Variants in NUCB2 observed in about 807,000 individuals in gnomAD.
NUCB2 encodes nucleobindin 2.
In NUCB2, 48 loss-of-function variants were observed where a neutral mutation model predicts 57.9. The ratio of observed to expected loss-of-function variants is 0.83; its 90% CI spans 0.66 to 1.05. The LOEUF (loss-of-function observed/expected upper bound fraction) is 1.05. Among genes scored for constraint, NUCB2 ranks in the 50% least tolerant of loss-of-function variants. NUCB2 has a pLI of 0.00. For missense variants in NUCB2, 442 were observed against 476.2 expected, an observed-to-expected ratio of 0.93 and a Z score of 0.67; for synonymous variants, 139 against 152.1, an observed-to-expected ratio of 0.91 and a Z score of 0.64.
At chr11:17,321,398 C>A (rs979121275) in intron 11 of NUCB2, among the ~76,000 whole-genome samples, 22 of 152,096 alleles carry the variant, frequency 1.4e-4, no homozygotes, top group Middle Eastern at 3.2e-3. Flanking sequence ...TAATGACCTC[C>A]AGTTCCACCC....
At chr11:17,310,717 C>A in intron 6 of NUCB2, 108 bp from the exon 7 acceptor site, 2 of 741,200 alleles carry the variant, frequency 2.7e-6, no homozygotes, top group Non-Finnish European at 4.3e-6. Flanking sequence ...TATGTTTTTG[C>A]CCTCCCGTAC....
intron 2 of NUCB2, among the ~76,000 whole-genome samples, chr11:17,343,157 A>G (rs1235958037): frequency 1.3e-5 from 2 of 150,586 alleles, no homozygotes; most frequent in Admixed American, 6.6e-5. Flanking sequence ...TTTGTTTTCC[A>G]TTTGCTTGGT....
At chr11:17,309,763 C>G (rs1012811395) in intron 6 of NUCB2, 88 bp downstream of exon 6, 2 of 780,966 alleles carry the variant, frequency 2.6e-6, no homozygotes, top group Non-Finnish European at 4.1e-6. Context: ...GGAAATATAA[C>G]TTTTATATAT....
chr11:17,288,552 C>CTTCTTTTTTTTTTTTTT (rs1375589442), intron 2 of NUCB2, among the ~76,000 whole-genome samples: 11 of 101,186 alleles, frequency 1.1e-4, no homozygotes, highest in African/African-American at 4.4e-4. Context: ...TCTTCTTCTT[C>CTTCTTTTTTTTTTTTTT]TTTTTTTTTT....
intron 2 of NUCB2, among the ~76,000 whole-genome samples, chr11:17,285,766 A>G (rs1348066291): frequency 1.3e-5 from 2 of 148,872 alleles, no homozygotes; most frequent in Non-Finnish European, 3.0e-5. Context: ...AAAAAAAAAA[A>G]GATATATAAA....
intron 10 of NUCB2, among the ~76,000 whole-genome samples, chr11:17,313,041 C>G (rs1174821070): frequency 6.6e-6 from 1 of 150,986 alleles, no homozygotes; most frequent in Non-Finnish European, 1.5e-5. Flanking sequence ...GACAGCATGT[C>G]TTTGCTACGT....
rs547030301 is a variant in NUCB2 at position 17,327,083 on chromosome 11, CAG to C, written c.1003-3041_1003-3040del. Among the ~76,000 whole-genome samples the C allele has an allele frequency of 2.4e-3, 370 of 152,262 alleles. 1 individual carries two copies. Among genetic ancestry groups the C allele is most frequent in the Non-Finnish European group, 4.2e-3 (289 of 68,018 alleles). ...CCACTGAAAAATCTGCCACCTGAGACAGAGTCTTGCTCTGTTACCCAGACTGG... is the reference window on the plus strand; with the variant it reads ...CCACTGAAAAATCTGCCACCTGAGACAGTCTTGCTCTGTTACCCAGACTGG... On this transcript the variant is annotated intron_variant, in intron 11 of 13. Transcript: ENST00000529010.
intron 7 of NUCB2, 45 bp from the exon 8 acceptor site, chr11:17,311,148 T>G: frequency 6.7e-7 from 1 of 1,496,300 alleles, no homozygotes; most frequent in Non-Finnish European, 9.1e-7. Flanking sequence ...TCTGTACAGA[T>G]AGATTATATT....
At chr11:17,328,160 G>C (rs1160496341) in intron 11 of NUCB2, among the ~76,000 whole-genome samples, 1 of 152,228 alleles carries the variant, frequency 6.6e-6, no homozygotes, top group African/African-American at 2.4e-5. Context: ...TACCACCTTG[G>C]TGGTCTTGGA....
intron 6 of NUCB2, 109 bp downstream of exon 6, chr11:17,309,784 T>G (rs906827589): frequency 4.6e-6 from 3 of 650,738 alleles, no homozygotes; most frequent in Non-Finnish European, 7.6e-6. Context: ...TCTGTAGAAG[T>G]TCTTTAAAGG....
At chr11:17,323,438 T>C (rs1950275124) in intron 11 of NUCB2, among the ~76,000 whole-genome samples, 2 of 152,214 alleles carry the variant, frequency 1.3e-5, no homozygotes, top group South Asian at 4.1e-4. Context: ...CCGTGATGTA[T>C]GATCTTTTTA....
chr11:17,315,354 T>C (rs1591472867), intron 10 of NUCB2, 32 bp from the exon 11 acceptor site: 5 of 1,221,462 alleles, frequency 4.1e-6, no homozygotes, highest in Non-Finnish European at 5.9e-6. Context: ...AAAGATTTAC[T>C]TTATATTATG....
chr11:17,349,730 TAGC>T (rs1953054373), exon 3 of NUCB2: 1 of 152,202 alleles, frequency 6.6e-6, no homozygotes, highest in Non-Finnish European at 1.5e-5. Context: ...GGTTGACAAA[TAGC>T]AGTCTCTGCC....
chr11:17,312,340 C>T (rs1489532029), intron 10 of NUCB2, among the ~76,000 whole-genome samples: 1 of 151,136 alleles, frequency 6.6e-6, no homozygotes, highest in African/African-American at 2.4e-5. Context: ...CTCAAGCAAT[C>T]CTTTGGTCTC....
At chr11:17,339,036 G>A (rs1952030684) in intron 2 of NUCB2, among the ~76,000 whole-genome samples, 1 of 151,608 alleles carries the variant, frequency 6.6e-6, no homozygotes, top group African/African-American at 2.4e-5. Flanking sequence ...TGCCCAGGCT[G>A]GAGTGCAGTG....
rs1036230785 is a variant in NUCB2 at position 17,294,701 on chromosome 11, A to G, written c.1-623A>G. ...CTTAAAAAAAAAAAAAAAAAAAAAA[A>G]GCCATGGCTAGATTGAAGCTTTTGT... On this transcript the variant is annotated intron_variant, in intron 2 of 13. Coordinates refer to ENST00000529010, the MANE Select transcript of NUCB2 (RefSeq NM_005013.4). Among the ~76,000 whole-genome samples the G allele has an allele frequency of 4.7e-3, 671 of 142,976 alleles. 9 individuals are homozygous for G. The highest frequency in any genetic ancestry group is 0.016 in the African/African-American group (641 of 40,212). 93.8% of individuals were successfully genotyped at this position (142,976 alleles called of 152,430 possible). A position where few individuals can be genotyped will look rare whatever the true frequency, so the allele number is the denominator to read the frequency against.
intron 11 of NUCB2, among the ~76,000 whole-genome samples, chr11:17,317,220 C>G (rs1949366793): frequency 6.6e-6 from 1 of 151,990 alleles, no homozygotes; most frequent in Non-Finnish European, 1.5e-5. Context: ...CTCTCTTTCC[C>G]TCCTCTCTAT....
intron 10 of NUCB2, among the ~76,000 whole-genome samples, chr11:17,315,022 T>A (rs532685693): frequency 6.6e-6 from 1 of 152,334 alleles, no homozygotes; most frequent in East Asian, 1.9e-4. Context: ...ATGGTTCTTT[T>A]TCTTACCCAA....
At chr11:17,321,026 A>ATGTG (rs2139213091) in intron 11 of NUCB2, among the ~76,000 whole-genome samples, 1 of 152,174 alleles carries the variant, frequency 6.6e-6, no homozygotes, top group East Asian at 1.9e-4. Context: ...TGGTAGAGGC[A>ATGTG]TGTGATGTGT....
Sources: allele counts gnomAD v4.1 joint callset (sites outside exome capture counted in the v4.1 genomes callset), GRCh38; gene constraint gnomAD v4.1.1; transcripts MANE v1.5; gene names NCBI Gene and HGNC (gene_info 2026-07-23, HGNC 2026-07-21).